Variants in RELL1 observed in about 807,000 individuals in gnomAD.
The protein encoded by RELL1 is RELT-like protein 1.
A neutral mutation model predicts 23.0 loss-of-function variants in RELL1; 10 were observed. That is an observed-to-expected ratio of 0.43 (90% CI 0.27 to 0.74). The LOEUF (loss-of-function observed/expected upper bound fraction) is 0.74. RELL1 is among the 30% of genes least tolerant of loss of function. RELL1 has a pLI of 0.19. For synonymous variants in RELL1, 146 were observed against 146.8 expected (o/e 0.99, Z 0.04); for missense variants, 315 against 364.4 (o/e 0.86, Z 1.10).
downstream of RELL1, chr4:37,590,529 G>A (rs776120555): frequency 6.8e-6 from 11 of 1,614,200 alleles, no homozygotes; most frequent in South Asian, 1.2e-4. Context: ...CCCAAGTCAT[G>A]AGAAATGGAG....
At chr4:37,600,810 TTTTG>T (rs924596842) in intron 6 of RELL1, among the ~76,000 whole-genome samples, 12 of 151,848 alleles carry the variant, frequency 7.9e-5, no homozygotes, top group African/African-American at 2.7e-4. Flanking sequence ...TGTGTGTAGT[TTTTG>T]TTTGATTTGG....
intron 1 of RELL1, among the ~76,000 whole-genome samples, chr4:37,662,839 G>T (rs775535140): frequency 6.6e-6 from 1 of 150,986 alleles, no homozygotes; most frequent in Non-Finnish European, 1.5e-5. Flanking sequence ...CTAGGATCCC[G>T]GTGTCTTGAG....
At chr4:37,597,437 C>T (rs1279171856) in intron 6 of RELL1, among the ~76,000 whole-genome samples, 1 of 152,180 alleles carries the variant, frequency 6.6e-6, no homozygotes, top group South Asian at 2.1e-4. Flanking sequence ...AAGTTACCAA[C>T]TTAAAATCCC....
rs555839606 is a variant in RELL1, at chr4:37,658,748, T to C, written c.89-9248A>G. ...TTTTTCTTTCAACAATATTTCATCA[T>C]TTAGCCACTTTTCTGTTAAAATGCT... On this transcript the variant is annotated intron_variant, in intron 1 of 6. Coordinates refer to ENST00000454158, the MANE Select transcript of RELL1 (RefSeq NM_001085400.2). Among the ~76,000 whole-genome samples the C allele has an allele frequency of 1.4e-4, 21 of 152,360 alleles. No homozygotes were observed. The South Asian group carries it at 3.9e-3, about 29-fold the overall frequency.
chr4:37,606,742 G>A (rs1452300114), downstream of RELL1, among the ~76,000 whole-genome samples: 1 of 152,190 alleles, frequency 6.6e-6, no homozygotes, highest in Non-Finnish European at 1.5e-5. This position sits in a 1 kb window ranked among gnomAD's most constrained non-coding sequence, Gnocchi z 4.1. Flanking sequence ...GTGTTCTGGG[G>A]CACCCAGGTT....
chr4:37,672,009 C>T (rs533798575), intron 1 of RELL1, among the ~76,000 whole-genome samples: 1 of 152,068 alleles, frequency 6.6e-6, no homozygotes, highest in Non-Finnish European at 1.5e-5. Context: ...GGCACGAAAA[C>T]AGAACTTCCA....
intron 1 of RELL1, among the ~76,000 whole-genome samples, chr4:37,685,387 G>C (rs1372812965): frequency 1.3e-5 from 2 of 152,140 alleles, no homozygotes; most frequent in Admixed American, 1.3e-4. Flanking sequence ...AGGGGAAGCG[G>C]TGGTAAGGAA....
At chr4:37,650,258 T>A (rs10029213) in intron 1 of RELL1, among the ~76,000 whole-genome samples, 48,237 of 152,022 alleles carry the variant, frequency 0.32, 7,826 homozygotes, top group Non-Finnish European at 0.37. Flanking sequence ...ATCTAGAGTA[T>A]GAAGAAGAGG....
downstream of RELL1, among the ~76,000 whole-genome samples, chr4:37,609,446 C>A (rs987472343): frequency 6.6e-6 from 1 of 152,198 alleles, no homozygotes. Context: ...TTCATGCCTG[C>A]TAACACAACA....
chr4:37,599,538 A>C (rs1440823105), intron 6 of RELL1, among the ~76,000 whole-genome samples: 3 of 152,208 alleles, frequency 2.0e-5, no homozygotes, highest in Non-Finnish European at 4.4e-5. Context: ...CAAAAGCTTT[A>C]TGATTCTAAT....
chr4:37,683,938 A>G (rs186159678), intron 1 of RELL1, among the ~76,000 whole-genome samples: 112 of 151,714 alleles, frequency 7.4e-4, no homozygotes, highest in Non-Finnish European at 1.1e-3. Context: ...AAAATTAGCC[A>G]GGCATGGTGG....
chr4:37,648,819 T>C lies in RELL1; in HGVS notation c.313+457A>G, dbSNP rs148951127. Among the ~76,000 whole-genome samples the C allele has an allele frequency of 5.5e-3, 842 of 152,364 alleles. 6 individuals are homozygous for C. Among genetic ancestry groups the C allele is most frequent in the African/African-American group, 0.019 (797 of 41,588 alleles). ...ACCTATTTTAATTTTTCCTTCACTC[T>C]TATTCGAATCTGATTCCATAATAAT... On this transcript the variant is annotated intron_variant, in intron 2 of 6. Transcript: ENST00000454158.
In RELL1 at chr4:37,636,809, C is replaced by A. The variant is rs376112490; in HGVS notation, c.443+1638G>T. Among the ~76,000 whole-genome samples, 6 of 152,190 alleles carry A rather than the reference C, an allele frequency of 3.9e-5. No homozygotes were observed. In the East Asian group the frequency reaches 9.7e-4, roughly 25 times the overall value. On this transcript the variant is annotated intron_variant, in intron 4 of 6. Transcript: ENST00000454158. ...CTGTGGCAAGAGCCCCAGAGACACA[C>A]AGGAGGCTGTGATGGCAGAAACCAG...
chr4:37,658,177 G>A (rs1272425553), intron 1 of RELL1, among the ~76,000 whole-genome samples: 4 of 152,036 alleles, frequency 2.6e-5, no homozygotes, highest in Non-Finnish European at 5.9e-5. Context: ...TGAAAATAAT[G>A]CACAATGGCA....
At chr4:37,657,906 C>G (rs1330665727) in intron 1 of RELL1, among the ~76,000 whole-genome samples, 1 of 152,014 alleles carries the variant, frequency 6.6e-6, no homozygotes, top group African/African-American at 2.4e-5. Context: ...CTGGGGGACA[C>G]AGCGAGACCC....
chr4:37,680,317 T>A (rs1391398418), intron 1 of RELL1, among the ~76,000 whole-genome samples: 2 of 152,212 alleles, frequency 1.3e-5, no homozygotes, highest in Non-Finnish European at 2.9e-5. Context: ...AATGTGAACA[T>A]CTTTGACCCT....
At chr4:37,657,098 C>A (rs948028249) in intron 1 of RELL1, among the ~76,000 whole-genome samples, 8 of 152,152 alleles carry the variant, frequency 5.3e-5, no homozygotes, top group Non-Finnish European at 1.0e-4. Flanking sequence ...GATTTTTTAA[C>A]CTTTCCCTTC....
Position 37,634,945 on chromosome 4 carries a change from T to G in RELL1, c.622A>C (p.Lys208Gln), listed in dbSNP as rs759837763. The G allele has an allele frequency of 6.2e-7, 1 of 1,614,240 alleles. No homozygotes were observed. Residue 208 changes from lysine to glutamine, a missense_variant, in exon 5 of 7, where the codon AAG (lysine) becomes CAG (glutamine). Lys to Gln is a moderately conservative substitution (Grantham distance 53). Coordinates refer to ENST00000454158, the MANE Select transcript of RELL1 (RefSeq NM_001085400.2). Reference protein sequence around the residue: ...KRWHFIKPTNKSRESRPRRQG... With the variant: ...KRWHFIKPTNQSRESRPRRQG... ...CGCCGTGGTCTGCTCTCTCTGGACT[T>G]GTTAGTGGGCTTTATAAAGTGCCAC...
chr4:37,614,284 C>T (rs188464298), intron 6 of RELL1, among the ~76,000 whole-genome samples: 1 of 151,942 alleles, frequency 6.6e-6, no homozygotes, highest in Non-Finnish European at 1.5e-5. Context: ...ATATAATATT[C>T]ATTTGGTCAA....
Sources: allele counts gnomAD v4.1 joint callset (sites outside exome capture counted in the v4.1 genomes callset), GRCh38; gene constraint gnomAD v4.1.1; non-coding constraint Gnocchi (gnomAD v3.1); transcripts MANE v1.5; gene names NCBI Gene and HGNC (gene_info 2026-07-23, HGNC 2026-07-21).